The following THEMIS variants were observed in gnomAD, a reference collection of about 807,000 sequenced individuals.
THEMIS encodes the protein thymocyte selection associated.
THEMIS carries 37 observed loss-of-function variants against 52.6 expected under a neutral mutation model. The observed-to-expected ratio is 0.70, with a 90% CI of 0.54 to 0.93. The LOEUF (loss-of-function observed/expected upper bound fraction) is 0.93, where lower values mean the gene tolerates loss of function less well. THEMIS is among the 40% of genes least tolerant of loss of function. The pLI, the probability that THEMIS is intolerant of heterozygous loss-of-function variation, is 0.00. For missense variants in THEMIS, 808 were observed against 763.1 expected, an observed-to-expected ratio of 1.06 and a Z score of -0.69; for synonymous variants, 292 against 272.7, an observed-to-expected ratio of 1.07 and a Z score of -0.70.
intron 2 of THEMIS, among the ~76,000 whole-genome samples, chr6:127,845,095 T>C (rs1779171609): frequency 6.6e-6 from 1 of 151,666 alleles, no homozygotes; most frequent in South Asian, 2.1e-4. Context: ...AAAGTGTGCT[T>C]GTCAAACTCT....
intron 4 of THEMIS, among the ~76,000 whole-genome samples, chr6:127,758,482 A>C (rs963973239): frequency 6.7e-6 from 1 of 148,930 alleles, no homozygotes; most frequent in Non-Finnish European, 1.5e-5. Context: ...GTAAAAGAAT[A>C]GCCCTAATGC....
chr6:127,905,919 C>T (rs1316624689), upstream of THEMIS, among the ~76,000 whole-genome samples: 1 of 150,170 alleles, frequency 6.7e-6, no homozygotes, highest in Non-Finnish European at 1.5e-5. Flanking sequence ...TATACATAAA[C>T]TCAATTATAC....
downstream of THEMIS, among the ~76,000 whole-genome samples, chr6:127,707,143 A>G (rs116775765): frequency 0.029 from 4,391 of 152,162 alleles, 222 homozygotes; most frequent in African/African-American, 0.1. Flanking sequence ...TATCAGGGGA[A>G]CAGCATGGGG....
At chr6:127,832,823 T>G (rs1778745753) in intron 2 of THEMIS, among the ~76,000 whole-genome samples, 1 of 133,644 alleles carries the variant, frequency 7.5e-6, no homozygotes, top group East Asian at 2.5e-4. Context: ...TTGCTCTGTC[T>G]CCCAGGCTGG....
chr6:127,728,211 G>T (rs1269309501), intron 4 of THEMIS, among the ~76,000 whole-genome samples: 1 of 152,064 alleles, frequency 6.6e-6, no homozygotes, highest in South Asian at 2.1e-4. Context: ...CCATCCTCAC[G>T]ATCTTGGATT....
intron 1 of THEMIS, among the ~76,000 whole-genome samples, chr6:127,881,186 C>A (rs2114428902): frequency 6.6e-6 from 1 of 152,158 alleles, no homozygotes; most frequent in South Asian, 2.1e-4. Context: ...TCATAATATA[C>A]AAAACCATAA....
At chr6:127,726,714 A>T (rs1272509021) in intron 4 of THEMIS, among the ~76,000 whole-genome samples, 1 of 152,138 alleles carries the variant, frequency 6.6e-6, no homozygotes, top group African/African-American at 2.4e-5. Flanking sequence ...TAGTTCATGG[A>T]TGCGGGAAGA....
At chr6:127,846,962 G>C (rs553678080) in intron 2 of THEMIS, among the ~76,000 whole-genome samples, 1 of 151,958 alleles carries the variant, frequency 6.6e-6, no homozygotes, top group African/African-American at 2.4e-5. Context: ...TTTCATCCCA[G>C]GGATGCAGAG....
intron 4 of THEMIS, among the ~76,000 whole-genome samples, chr6:127,732,255 T>C (rs530197869): frequency 6.6e-6 from 1 of 152,218 alleles, no homozygotes; most frequent in South Asian, 2.1e-4. Flanking sequence ...ATTTCAATCA[T>C]TTTTAGGATT....
intron 4 of THEMIS, among the ~76,000 whole-genome samples, chr6:127,787,280 A>G (rs1776983329): frequency 6.6e-6 from 1 of 151,904 alleles, no homozygotes; most frequent in African/African-American, 2.4e-5. Context: ...GTGCACGCAC[A>G]CACACACACA....
At chr6:127,907,336 G>GGTTTTTTTTTT (rs1444629822) in intron 1 of THEMIS, among the ~76,000 whole-genome samples, 1 of 28,616 alleles carries the variant, frequency 3.5e-5, no homozygotes, top group African/African-American at 1.1e-4. Context: ...ATTAGGCTCG[G>GGTTTTTTTTTT]ATTTTTTTTT....
intron 4 of THEMIS, among the ~76,000 whole-genome samples, chr6:127,731,694 C>CT (rs34588130): frequency 0.011 from 1,041 of 93,406 alleles, 32 homozygotes; most frequent in African/African-American, 0.03. Context: ...TTTATTGCTA[C>CT]TTTTTTTTTT....
intron 1 of THEMIS, among the ~76,000 whole-genome samples, chr6:127,887,540 A>G (rs1403656423): frequency 6.6e-6 from 1 of 152,134 alleles, no homozygotes; most frequent in Non-Finnish European, 1.5e-5. Context: ...GGAACAAAAT[A>G]CTGATGTATG....
Position 127,844,199 on chromosome 6 carries a change from C to A in THEMIS, c.250+10831G>T, listed in dbSNP as rs62425527. Among the ~76,000 whole-genome samples, 1,433 of 152,018 alleles carry A rather than the reference C, an allele frequency of 9.4e-3. 10 individuals are homozygous for A. The highest frequency in any genetic ancestry group is 0.02 in the Middle Eastern group (6 of 294). ...TAACCACTTGCTATGTGATTTGGGG[C>A]AAATTACTTGGTGATTCTGTTTTCT... is the stretch of plus-strand genomic sequence containing the variant. On this transcript the variant is annotated intron_variant, in intron 2 of 5. Coordinates refer to ENST00000368248, the MANE Select transcript of THEMIS (RefSeq NM_001010923.3).
chr6:127,819,537 A>T (rs573655937), intron 3 of THEMIS, among the ~76,000 whole-genome samples: 25 of 152,182 alleles, frequency 1.6e-4, no homozygotes, highest in Non-Finnish European at 3.4e-4. Context: ...AACTTGAACC[A>T]GAGGAGCAAA....
chr6:127,776,472 T>A (rs1032446049), intron 4 of THEMIS, among the ~76,000 whole-genome samples: 1 of 152,236 alleles, frequency 6.6e-6, no homozygotes, highest in African/African-American at 2.4e-5. Context: ...CTCATGTGAC[T>A]GACCTGGATC....
chr6:127,738,898 G>C (rs1775099514), intron 4 of THEMIS, among the ~76,000 whole-genome samples: 1 of 152,080 alleles, frequency 6.6e-6, no homozygotes, highest in Non-Finnish European at 1.5e-5. Context: ...GGTAAGTCCG[G>C]TGTATTATAT....
At chr6:127,781,467 G>A (rs757067765) in intron 4 of THEMIS, among the ~76,000 whole-genome samples, 3 of 152,034 alleles carry the variant, frequency 2.0e-5, no homozygotes, top group Non-Finnish European at 4.4e-5. Flanking sequence ...TGGAGAAGAA[G>A]TGTTCTGGTT....
chr6:127,698,320 TA>T, the THEMIS span, among the ~76,000 whole-genome samples: 1 of 152,142 alleles, frequency 6.6e-6, no homozygotes, highest in African/African-American at 2.4e-5. Flanking sequence ...ACCAGAATTT[TA>T]TAACATTAGT....
Sources: allele counts gnomAD v4.1 joint callset (sites outside exome capture counted in the v4.1 genomes callset), GRCh38; gene constraint gnomAD v4.1.1; transcripts MANE v1.5; gene names NCBI Gene and HGNC (gene_info 2026-07-23, HGNC 2026-07-21).